The following MCTP1 variants were observed in gnomAD, a reference collection of about 807,000 sequenced individuals.
The protein encoded by MCTP1 is multiple C2 and transmembrane domain-containing protein 1.
A neutral mutation model predicts 120.6 loss-of-function variants in MCTP1; 69 were observed. The observed-to-expected ratio is 0.57, with a 90% CI of 0.47 to 0.70. The LOEUF is 0.70. Among genes scored for constraint, MCTP1 ranks in the 30% least tolerant of loss-of-function variants. MCTP1 has a pLI of 0.00. For synonymous variants in MCTP1, 529 were observed against 493.1 expected (o/e 1.07, Z -0.96); for missense variants, 1,203 against 1,248.8 (o/e 0.96, Z 0.55).
At chr5:95,081,669 T>C in intron 1 of MCTP1, 1 of 1,318,738 alleles carries the variant, frequency 7.6e-7, no homozygotes, top group Non-Finnish European at 9.7e-7. Flanking sequence ...ACCCGTGATG[T>C]TTAAATAACG....
intron 1 of MCTP1, among the ~76,000 whole-genome samples, chr5:95,179,905 T>G (rs1229872004): frequency 6.6e-6 from 1 of 152,172 alleles, no homozygotes; most frequent in Non-Finnish European, 1.5e-5. Context: ...GAGACTCACC[T>G]AACACATAGG....
At chr5:94,850,304 A>G (rs1000402578) in intron 17 of MCTP1, among the ~76,000 whole-genome samples, 1 of 152,192 alleles carries the variant, frequency 6.6e-6, no homozygotes, top group Non-Finnish European at 1.5e-5. Context: ...CAAAAACTGC[A>G]TAAGTAATCG....
chr5:95,148,850 GT>G (rs1760647211), intron 1 of MCTP1, among the ~76,000 whole-genome samples: 1 of 152,124 alleles, frequency 6.6e-6, no homozygotes, highest in South Asian at 2.1e-4. Context: ...AGTATAATGA[GT>G]TGGCTTCATT....
chr5:94,803,264 C>A (rs778252229), intron 17 of MCTP1, among the ~76,000 whole-genome samples: 2 of 152,176 alleles, frequency 1.3e-5, no homozygotes, highest in African/African-American at 2.4e-5. Context: ...AATAAGTACA[C>A]ACAACCCCTT....
chr5:95,228,440 A>G (rs1231373126), intron 1 of MCTP1, among the ~76,000 whole-genome samples: 4 of 146,134 alleles, frequency 2.7e-5, no homozygotes, highest in Non-Finnish European at 6.0e-5. Flanking sequence ...AGTTTGGGCC[A>G]AAAACTTAGA....
Position 95,284,456 on chromosome 5 carries a change from G to GC in MCTP1, c.119dup (p.Gly41ArgfsTer142), listed in dbSNP as rs1333976541. Reference sequence around the variant, plus strand: ...GGCGCTCTGGACCCCCAGCGCGCCCGCCCCCGCCGCCCTTGCTCCTGCCCA... The same window carrying GC: ...GGCGCTCTGGACCCCCAGCGCGCCCGCCCCCCGCCGCCCTTGCTCCTGCCCA... On this transcript the variant is annotated frameshift_variant, in exon 1 of 23. Coordinates refer to ENST00000515393, the MANE Select transcript of MCTP1 (RefSeq NM_024717.7). LOFTEE classifies it high-confidence loss of function. The surrounding 1 kb of genome is among the most constrained non-coding windows in gnomAD (Gnocchi z 5.2). 6 of 1,185,406 alleles carry GC rather than the reference G, an allele frequency of 5.1e-6. No homozygotes were observed. Among genetic ancestry groups the GC allele is most frequent in the Non-Finnish European group, 7.1e-6 (6 of 846,334 alleles). The allele number at this position is 1,185,406 out of a possible 1,614,324, so 73.4% of individuals were successfully genotyped here.
At chr5:94,904,469 T>G (rs1370231132) in intron 10 of MCTP1, among the ~76,000 whole-genome samples, 1 of 152,194 alleles carries the variant, frequency 6.6e-6, no homozygotes, top group Non-Finnish European at 1.5e-5. Context: ...TAAATTTACT[T>G]TTGTGTAAAG....
intron 1 of MCTP1, among the ~76,000 whole-genome samples, chr5:95,043,399 C>T (rs540305390): frequency 2.0e-5 from 3 of 152,240 alleles, no homozygotes; most frequent in Admixed American, 6.5e-5. Flanking sequence ...TGTCCTCTAG[C>T]TCAGCCAGCA....
chr5:95,233,060 A>C (rs1232305257), intron 1 of MCTP1, among the ~76,000 whole-genome samples: 2 of 152,210 alleles, frequency 1.3e-5, no homozygotes, highest in Non-Finnish European at 2.9e-5. Context: ...GAATAAATAG[A>C]CAGAAATCCA....
intron 12 of MCTP1, 105 bp downstream of exon 12, chr5:94,888,774 T>G (rs1479417659): frequency 1.6e-6 from 1 of 637,620 alleles, no homozygotes; most frequent in African/African-American, 1.8e-5. Context: ...TTTAAATTAT[T>G]TATTTTGATG....
At chr5:94,786,057 A>G (rs577550528) in intron 18 of MCTP1, among the ~76,000 whole-genome samples, 79 of 152,262 alleles carry the variant, frequency 5.2e-4, no homozygotes, top group African/African-American at 1.8e-3. Context: ...TAAAGAATAT[A>G]CTTTGAAAAC....
At chr5:94,834,797 A>G (rs1421962639) in intron 17 of MCTP1, among the ~76,000 whole-genome samples, 1 of 147,104 alleles carries the variant, frequency 6.8e-6, no homozygotes, top group East Asian at 2.0e-4. Flanking sequence ...ATAATGTGTC[A>G]TTATAACATT....
At chr5:94,975,937 A>T (rs1289674802) in intron 2 of MCTP1, among the ~76,000 whole-genome samples, 1 of 152,114 alleles carries the variant, frequency 6.6e-6, no homozygotes, top group East Asian at 1.9e-4. Flanking sequence ...TGTCTAGCAC[A>T]ACTCCTGGGT....
chr5:95,070,965 G>A (rs567763373), intron 1 of MCTP1, among the ~76,000 whole-genome samples: 69 of 152,278 alleles, frequency 4.5e-4, no homozygotes, highest in African/African-American at 1.6e-3. Flanking sequence ...GGGAAGTTCC[G>A]TGGGATTAGG....
At chr5:95,258,004 G>A (rs932860250) in intron 1 of MCTP1, among the ~76,000 whole-genome samples, 2 of 152,196 alleles carry the variant, frequency 1.3e-5, no homozygotes, top group African/African-American at 2.4e-5. Flanking sequence ...TAAATAATGG[G>A]AGAGAATAGA....
intron 19 of MCTP1, among the ~76,000 whole-genome samples, chr5:94,717,556 C>T (rs992498442): frequency 6.6e-6 from 1 of 152,080 alleles, no homozygotes; most frequent in African/African-American, 2.4e-5. Flanking sequence ...AAAGGGTATT[C>T]ACATAGGAAC....
chr5:95,136,102 C>A (rs1441336959), intron 1 of MCTP1, among the ~76,000 whole-genome samples: 2 of 152,178 alleles, frequency 1.3e-5, no homozygotes, highest in Non-Finnish European at 2.9e-5. Flanking sequence ...AACATTTAAG[C>A]ACTTGCTTCT....
chr5:94,761,598 A>C (rs2152850874), intron 19 of MCTP1, among the ~76,000 whole-genome samples: 1 of 152,314 alleles, frequency 6.6e-6, no homozygotes, highest in East Asian at 1.9e-4. Flanking sequence ...GACTCTTGGG[A>C]GGCAATAGGC....
intron 2 of MCTP1, among the ~76,000 whole-genome samples, chr5:94,995,903 G>C (rs1241832099): frequency 6.6e-6 from 1 of 152,124 alleles, no homozygotes; most frequent in African/African-American, 2.4e-5. Context: ...TATGCTAACA[G>C]CCTGCCCTTA....
Sources: allele counts gnomAD v4.1 joint callset (sites outside exome capture counted in the v4.1 genomes callset), GRCh38; gene constraint gnomAD v4.1.1; non-coding constraint Gnocchi (gnomAD v3.1); transcripts MANE v1.5; gene names NCBI Gene and HGNC (gene_info 2026-07-23, HGNC 2026-07-21).